Variants in SDC3 observed in about 807,000 individuals in gnomAD.
The protein encoded by SDC3 is syndecan 3.
Under a neutral mutation model 24.4 loss-of-function variants are expected in SDC3, and 13 were observed. The observed-to-expected ratio is 0.53, with a 90% CI of 0.35 to 0.85. The LOEUF (loss-of-function observed/expected upper bound fraction) is 0.85. Among genes scored for constraint, SDC3 ranks in the 40% least tolerant of loss-of-function variants. The probability of loss-of-function intolerance (pLI) is 0.01; values close to 1 mark genes in which losing one functional copy is unlikely to be tolerated. For missense variants in SDC3, 571 were observed against 584.5 expected (o/e 0.98, Z 0.24); for synonymous variants, 295 against 260.9 (o/e 1.13, Z -1.26).
In SDC3 at chr1:30,870,016, T is replaced by C; in HGVS notation, c.*3195A>G. The C allele has an allele frequency of 5.0e-6, 2 of 397,682 alleles. No homozygotes were observed. The highest frequency in any genetic ancestry group is 8.8e-6 in the Non-Finnish European group (2 of 226,008). 24.6% of individuals were successfully genotyped at this position (397,682 alleles called of 1,614,324 possible). A position where few individuals can be genotyped will look rare whatever the true frequency, so the allele number is the denominator to read the frequency against. ...ATCTGTACAGTTTGCGGGCTTCTAT[T>C]TACAGGCAAGAGGCCTGGGGAGGCA... On this transcript the variant is annotated 3_prime_UTR_variant, in exon 5 of 5. Coordinates refer to ENST00000339394, the MANE Select transcript of SDC3 (RefSeq NM_014654.4).
chr1:30,893,305 C>CCCT (rs1639934395), intron 1 of SDC3, among the ~76,000 whole-genome samples: 1 of 84,724 alleles, frequency 1.2e-5, no homozygotes, highest in Non-Finnish European at 2.3e-5. Flanking sequence ...CACCAGGAGC[C>CCCT]CCCCCCCCCC....
rs960667956 is a variant in SDC3, at chr1:30,873,127, A to G, written c.*84T>C. 4 of 1,000,876 alleles carry G rather than the reference A, an allele frequency of 4.0e-6. No homozygotes were observed. The highest frequency in any genetic ancestry group is 3.2e-5 in the African/African-American group (2 of 62,780). The allele number at this position is 1,000,876 out of a possible 1,614,324, so 62.0% of individuals were successfully genotyped here. On this transcript the variant is annotated 3_prime_UTR_variant, in exon 5 of 5. Transcript: ENST00000339394. ...AGAACTGGGGCCAGGTTCCAGGCCC[A>G]GTCCCAGGCTTGGGCTGGTGGGGCC...
At chr1:30,882,989 T>C (rs995972865) in intron 1 of SDC3, among the ~76,000 whole-genome samples, 1 of 152,166 alleles carries the variant, frequency 6.6e-6, no homozygotes, top group Non-Finnish European at 1.5e-5. Flanking sequence ...AATGAATAAA[T>C]CAGTGTAGCC....
Position 30,908,463 on chromosome 1 carries a change from C to T in SDC3, c.124G>A (p.Gly42Arg). Residue 42 changes from glycine (G) to arginine (R), a missense_variant, in exon 1 of 5, where the codon GGG (glycine) becomes AGG (arginine). By Grantham distance (125) the Gly-to-Arg change is moderately radical. This residue lies in a region of SDC3 where 497 missense variants were observed against 471.6 expected (regional missense o/e 1.05). Transcript: ENST00000339394. Reference protein sequence around the residue: ...LPPLLLLLLAGRAAGAQRWRS... With the variant: ...LPPLLLLLLARRAAGAQRWRS... Reference sequence around the variant, plus strand: ...GTGTCACTCACCCCCGCGGCGCGCCCCGCCAGCAGCAGCAGCAGCAGCGGT... The same window carrying T: ...GTGTCACTCACCCCCGCGGCGCGCCTCGCCAGCAGCAGCAGCAGCAGCGGT... 1 of 1,037,938 alleles carries T rather than the reference C, an allele frequency of 9.6e-7. No individual in the cohort carries two copies. Among genetic ancestry groups the T allele is most frequent in the Non-Finnish European group, 1.2e-6 (1 of 860,358 alleles). 64.3% of individuals were successfully genotyped at this position (1,037,938 alleles called of 1,614,324 possible).
chr1:30,908,216 G>A (rs1252247191), intron 1 of SDC3, among the ~76,000 whole-genome samples: 2 of 151,324 alleles, frequency 1.3e-5, no homozygotes, highest in Admixed American at 6.6e-5. Context: ...AGCGGCGGGG[G>A]CGGCCTCTCC....
intron 1 of SDC3, among the ~76,000 whole-genome samples, chr1:30,895,965 G>C (rs945411109): frequency 1.1e-4 from 17 of 152,130 alleles, no homozygotes; most frequent in African/African-American, 4.1e-4. Context: ...CTGAGCCTCC[G>C]AGCCCACAGT....
At chr1:30,906,693 CAG>C (rs1454593145) in intron 1 of SDC3, among the ~76,000 whole-genome samples, 2 of 152,184 alleles carry the variant, frequency 1.3e-5, no homozygotes, top group African/African-American at 4.8e-5. Flanking sequence ...CCCCATTTCA[CAG>C]AGGGACAACC....
At chr1:30,884,229 G>A (rs1639792689) in intron 1 of SDC3, among the ~76,000 whole-genome samples, 1 of 152,078 alleles carries the variant, frequency 6.6e-6, no homozygotes, top group Non-Finnish European at 1.5e-5. Context: ...AGCCCGGGGA[G>A]GAGTGGAATG....
intron 1 of SDC3, among the ~76,000 whole-genome samples, chr1:30,894,462 G>C (rs1272653486): frequency 1.8e-5 from 1 of 56,344 alleles, no homozygotes; most frequent in Non-Finnish European, 3.3e-5. Context: ...TGGGGGGGTG[G>C]ATGAGTGTGT....
At chr1:30,901,198 T>C (rs1638408208) in intron 1 of SDC3, among the ~76,000 whole-genome samples, 1 of 152,052 alleles carries the variant, frequency 6.6e-6, no homozygotes, top group African/African-American at 2.4e-5. Flanking sequence ...AGTGGGACCA[T>C]CTAAGGCTGG....
intron 1 of SDC3, among the ~76,000 whole-genome samples, chr1:30,882,868 A>G (rs1384550998): frequency 1.3e-5 from 2 of 152,174 alleles, no homozygotes; most frequent in East Asian, 3.8e-4. Context: ...AAGCCATTTA[A>G]TCTCAGCACC....
intron 2 of SDC3, 71 bp downstream of exon 2, chr1:30,878,552 G>A: frequency 7.7e-7 from 1 of 1,292,384 alleles, no homozygotes; most frequent in Non-Finnish European, 1.1e-6. Flanking sequence ...CCCCCCGTGG[G>A]CTTCTCAGAG....
chr1:30,888,918 C>G (rs1639868705), intron 1 of SDC3, among the ~76,000 whole-genome samples: 1 of 149,344 alleles, frequency 6.7e-6, no homozygotes, highest in Non-Finnish European at 1.5e-5. Flanking sequence ...TGGCAGGGCC[C>G]TCAAAAGCCA....
intron 1 of SDC3, among the ~76,000 whole-genome samples, chr1:30,902,350 G>T (rs2124343903): frequency 6.6e-6 from 1 of 152,354 alleles, no homozygotes; most frequent in African/African-American, 2.4e-5. Flanking sequence ...GGCCAGTGGG[G>T]GAGGGGAGTG....
chr1:30,894,649 GGTGTGTGTGGGT>G (rs1338769992), intron 1 of SDC3, among the ~76,000 whole-genome samples: 495 of 27,702 alleles, frequency 0.018, 1 homozygote, highest in South Asian at 0.045. Flanking sequence ...GTGTGTGTGG[GGTGTGTGTGGGT>G]GAGTGTGTGT....
intron 2 of SDC3, 100 bp from the exon 3 acceptor site, chr1:30,877,265 A>AC: frequency 1.4e-6 from 2 of 1,470,356 alleles, no homozygotes; most frequent in South Asian, 1.2e-5. Flanking sequence ...AGGTCTCCCA[A>AC]CCCCCTCTCT....
At chr1:30,904,299 T>C (rs1043621274) in intron 1 of SDC3, among the ~76,000 whole-genome samples, 1 of 152,086 alleles carries the variant, frequency 6.6e-6, no homozygotes, top group East Asian at 1.9e-4. Flanking sequence ...AATAAGCCGA[T>C]ACATGTAAAG....
At chr1:30,901,680 G>A (rs926625463) in intron 1 of SDC3, among the ~76,000 whole-genome samples, 5 of 151,884 alleles carry the variant, frequency 3.3e-5, no homozygotes, top group East Asian at 1.9e-4. Context: ...TCTCCTTCAG[G>A]CCATCCATGA....
chr1:30,907,492 A>G (rs1638546850), intron 1 of SDC3, among the ~76,000 whole-genome samples: 1 of 152,112 alleles, frequency 6.6e-6, no homozygotes, highest in African/African-American at 2.4e-5. Context: ...ACACGCTGCT[A>G]TGTGCACTCA....
Sources: gnomAD v4.1 joint callset for allele counts (sites outside exome capture counted in the v4.1 genomes callset) on GRCh38, gnomAD v4.1.1 for gene constraint, gnomAD v4.1.1 regional missense constraint, MANE v1.5 for transcripts, NCBI Gene and HGNC (gene_info 2026-07-23, HGNC 2026-07-21) for gene names.